Variants in PLEKHH2 observed in about 807,000 individuals in gnomAD.
PLEKHH2 encodes pleckstrin homology domain-containing family H member 2.
In PLEKHH2, 129 loss-of-function variants were observed where a neutral mutation model predicts 187.9. The observed-to-expected ratio is 0.69, with a 90% CI of 0.59 to 0.79. PLEKHH2 has a LOEUF of 0.79. PLEKHH2 is among the 30% of genes least tolerant of loss of function. PLEKHH2 has a pLI of 0.00. For synonymous variants in PLEKHH2, 686 were observed against 605.6 expected (o/e 1.13, Z -1.95); for missense variants, 2,076 against 1,751.2 (o/e 1.19, Z -3.31).
chr2:43,731,621 GT>G lies in PLEKHH2; in HGVS notation c.2943+21del. The G allele has an allele frequency of 7.0e-7, 1 of 1,426,912 alleles. No individual in the cohort carries two copies. The highest frequency in any genetic ancestry group is 9.7e-7 in the Non-Finnish European group (1 of 1,033,730). 88.4% of individuals were successfully genotyped at this position (1,426,912 alleles called of 1,614,324 possible). A position where few individuals can be genotyped will look rare whatever the true frequency, so the allele number is the denominator to read the frequency against. On this transcript the variant is annotated intron_variant, in intron 19 of 29. Transcript: ENST00000282406. ...ATTTAAGGTAAAATATTTATATGTT[GT>G]TAAATGATTTAAGGTAAAATACTTA...
In PLEKHH2 at chr2:43,753,649, GAC is replaced by G; in HGVS notation, c.3685_3686del (p.Thr1229Ter). 1 of 1,565,966 alleles carries G rather than the reference GAC, an allele frequency of 6.4e-7. No homozygotes were observed. Among genetic ancestry groups the G allele is most frequent in the Non-Finnish European group, 8.6e-7 (1 of 1,159,840 alleles). On this transcript the variant is annotated frameshift_variant, in exon 25 of 30. Coordinates refer to ENST00000282406, the MANE Select transcript of PLEKHH2 (RefSeq NM_172069.4). LOFTEE classifies it high-confidence loss of function. ...LYFSVQARGE[T>X]DREKLLLMYQ... is the part of the protein sequence containing the mutation. ...ATTTCTCAGTGCAAGCTCGTGGAGAGACTGATAGAGAAAAGTTGCTGTTAATG... is the reference window on the plus strand; with the variant it reads ...ATTTCTCAGTGCAAGCTCGTGGAGAGTGATAGAGAAAAGTTGCTGTTAATG...
intron 2 of PLEKHH2, among the ~76,000 whole-genome samples, chr2:43,671,109 A>T (rs1297863644): frequency 2.7e-5 from 4 of 149,022 alleles, no homozygotes; most frequent in African/African-American, 9.9e-5. Flanking sequence ...TCTGCCCCCC[A>T]CTGAGTAGCT....
intron 3 of PLEKHH2, among the ~76,000 whole-genome samples, chr2:43,685,567 G>A (rs954159007): frequency 6.6e-6 from 1 of 151,058 alleles, no homozygotes; most frequent in African/African-American, 2.4e-5. Flanking sequence ...AGCTAGGGCT[G>A]CAGGCATGTG....
Position 43,748,876 on chromosome 2 carries a change from C to T in PLEKHH2, c.3653+2913C>T, listed in dbSNP as rs369619506. 2.9e-3 allele frequency among the ~76,000 whole-genome samples: 438 copies of T among 152,278 alleles called. 4 individuals are homozygous for T. Among genetic ancestry groups the T allele is most frequent in the African/African-American group, 9.9e-3 (412 of 41,548 alleles). On this transcript the variant is annotated intron_variant, in intron 24 of 29. Coordinates refer to ENST00000282406, the MANE Select transcript of PLEKHH2 (RefSeq NM_172069.4). ...GGTTCAAGCGATTTTCCTGCTTCAG[C>T]CTCCCAGATAGCTGGGATTACAGGC...
intron 15 of PLEKHH2, among the ~76,000 whole-genome samples, chr2:43,718,593 C>G (rs1395821391): frequency 1.3e-5 from 2 of 151,608 alleles, no homozygotes; most frequent in Non-Finnish European, 2.9e-5. Flanking sequence ...ATTGTTAAAA[C>G]ACAGCTTTTA....
rs781013562 is a variant in PLEKHH2 at position 43,699,953 on chromosome 2, G to A, written c.995G>A (p.Ser332Asn). Residue 332 changes from serine (S) to asparagine (N), a missense_variant, in exon 8 of 30, where the codon AGC (serine) becomes AAC (asparagine). Physicochemically the swap from Ser to Asn is conservative, Grantham distance 46. Coordinates refer to ENST00000282406, the MANE Select transcript of PLEKHH2 (RefSeq NM_172069.4). ...SEMYLTASDD[S>N]SSIFEEETFG... ...ATGTATCTGACAGCATCTGATGACAGCAGCTCTATATTTGAGGAAGAGACT... is the reference window on the plus strand; with the variant it reads ...ATGTATCTGACAGCATCTGATGACAACAGCTCTATATTTGAGGAAGAGACT... 5.0e-6 allele frequency: 8 copies of A among 1,614,166 alleles called. No individual in the cohort carries two copies. The highest frequency in any genetic ancestry group is 6.8e-6 in the Non-Finnish European group (8 of 1,180,012).
At chr2:43,678,306 G>A (rs1016403795) in intron 2 of PLEKHH2, among the ~76,000 whole-genome samples, 1 of 151,982 alleles carries the variant, frequency 6.6e-6, no homozygotes, top group African/African-American at 2.4e-5. Flanking sequence ...CCCAGACGGG[G>A]TGGCGGCCGG....
chr2:43,730,400 G>A (rs183477361), intron 18 of PLEKHH2, among the ~76,000 whole-genome samples: 128 of 152,228 alleles, frequency 8.4e-4, no homozygotes, highest in African/African-American at 3.0e-3. Context: ...TTGAAATTAA[G>A]TTTTTGTTTT....
At chr2:43,674,667 C>A (rs1012148646) in intron 2 of PLEKHH2, among the ~76,000 whole-genome samples, 5 of 152,126 alleles carry the variant, frequency 3.3e-5, no homozygotes, top group Non-Finnish European at 7.4e-5. Context: ...GAATCTAGAT[C>A]CCTGTAATAA....
chr2:43,742,960 G>C lies in PLEKHH2; in HGVS notation c.3399+42G>C, dbSNP rs548170369. On this transcript the variant is annotated intron_variant, in intron 22 of 29. Transcript: ENST00000282406. The stretch of plus-strand genomic sequence containing the variant: ...AAATATGCTTAGCCAACAATCCTAT[G>C]TACAACCTCTGTTATAGGGAACAGA... 179 of 1,400,834 alleles carry C rather than the reference G, an allele frequency of 1.3e-4. 3 individuals are homozygous for C. The South Asian group carries it at 2.9e-3, about 23-fold the overall frequency. The allele number at this position is 1,400,834 out of a possible 1,614,324, so 86.8% of individuals were successfully genotyped here.
intron 6 of PLEKHH2, among the ~76,000 whole-genome samples, chr2:43,696,865 T>G (rs1047379913): frequency 6.6e-6 from 1 of 152,214 alleles, no homozygotes; most frequent in Admixed American, 6.5e-5. Flanking sequence ...TAGAGCTCTC[T>G]AGTTATTTAT....
rs756202189 is a variant in PLEKHH2 at position 43,738,456 on chromosome 2, T to C, written c.3059T>C (p.Ile1020Thr). The change falls in exon 20 of 30, where the codon ATT (isoleucine) becomes ACT (threonine). Residue 1020 changes from isoleucine to threonine, a missense_variant. Physicochemically the swap from Ile to Thr is moderately conservative, Grantham distance 89 (BLOSUM62 -1). Transcript: ENST00000282406. Reference sequence around the variant, plus strand: ...ACACATCCTGAGCTGCAGAATGAAATTTGCTGTCAGCTTATTAAACAGACA... The same window carrying C: ...ACACATCCTGAGCTGCAGAATGAAACTTGCTGTCAGCTTATTAAACAGACA... ...CLTHPELQNE[I>T]CCQLIKQTRR... The C allele has an allele frequency of 2.5e-6, 4 of 1,613,792 alleles. No homozygotes were observed. The highest frequency in any genetic ancestry group is 3.4e-6 in the Non-Finnish European group (4 of 1,179,880).
At chr2:43,736,948 C>A (rs1048090128) in intron 19 of PLEKHH2, among the ~76,000 whole-genome samples, 3 of 152,080 alleles carry the variant, frequency 2.0e-5, no homozygotes, top group Non-Finnish European at 4.4e-5. Context: ...GCGGAAAGTA[C>A]CTGAGGCTGA....
At position 43,678,877 on chromosome 2, in the gene PLEKHH2, G is replaced by A. The variant is rs1185057778; in HGVS notation, c.138G>A (p.Glu46=). Residue 46 remains glutamate, a synonymous_variant, in exon 3 of 30, where the codon GAG becomes GAA. Transcript: ENST00000282406. ...TCACTCTACAGATGCAACAGCTTGA[G>A]AGACAAGTTATTGATGCTGAACGTC... ...ELLAEKMQQL[E]RQVIDAERQA... is the part of the protein sequence containing the mutation. 6.2e-7 allele frequency: 1 copy of A among 1,605,962 alleles called. No homozygotes were observed. The highest frequency in any genetic ancestry group is 1.7e-5 in the Admixed American group (1 of 59,922).
In PLEKHH2 at chr2:43,764,249, T is replaced by G; in HGVS notation, c.4180T>G (p.Tyr1394Asp). ...AAAGAGGTTAATAGTCAGCTATGTG[T>G]ACAAGAGTCTAATGACCTTTGGAGG... ...NSMRLIVSYV[Y>D]KSLMTFGGYQ... is the part of the protein sequence containing the mutation. The change falls in exon 29 of 30, where the codon TAC (tyrosine) becomes GAC (aspartate). Residue 1394 changes from tyrosine to aspartate, a missense_variant. Transcript: ENST00000282406. 1.3e-6 allele frequency: 2 copies of G among 1,551,530 alleles called. No homozygotes were observed. The highest frequency in any genetic ancestry group is 1.7e-6 in the Non-Finnish European group (2 of 1,145,800).
At chr2:43,756,096 A>G (rs1276528631) in intron 25 of PLEKHH2, among the ~76,000 whole-genome samples, 1 of 152,188 alleles carries the variant, frequency 6.6e-6, no homozygotes, top group African/African-American at 2.4e-5. Context: ...TCATGCTCCA[A>G]TAAAGTATAA....
chr2:43,672,417 T>G (rs1198142199), intron 2 of PLEKHH2, among the ~76,000 whole-genome samples: 5 of 152,210 alleles, frequency 3.3e-5, no homozygotes, highest in African/African-American at 7.2e-5. Flanking sequence ...AAATTTCTGT[T>G]GGCTTTAGGT....
intron 27 of PLEKHH2, among the ~76,000 whole-genome samples, chr2:43,760,785 C>G (rs1460079779): frequency 2.6e-5 from 4 of 152,192 alleles, no homozygotes; most frequent in Non-Finnish European, 5.9e-5. Context: ...GTACCTAACT[C>G]CCCAGTCCTC....
intron 16 of PLEKHH2, among the ~76,000 whole-genome samples, chr2:43,721,442 C>G (rs1317764919): frequency 6.6e-6 from 1 of 152,196 alleles, no homozygotes; most frequent in African/African-American, 2.4e-5. Flanking sequence ...GACTAAACTT[C>G]TTGGTCTAGT....
Sources: allele counts gnomAD v4.1 joint callset (sites outside exome capture counted in the v4.1 genomes callset), GRCh38; gene constraint gnomAD v4.1.1; transcripts MANE v1.5; gene names NCBI Gene and HGNC (gene_info 2026-07-23, HGNC 2026-07-21).